The following DISC1 variants were observed in gnomAD, a reference collection of about 807,000 sequenced individuals.
DISC1 encodes disrupted in schizophrenia 1 protein.
A neutral mutation model predicts 84.5 loss-of-function variants in DISC1; 57 were observed. The observed-to-expected ratio is 0.67, with a 90% CI of 0.55 to 0.84. The LOEUF is 0.84. Ranked by LOEUF, DISC1 falls within the 40% of genes least tolerant of loss-of-function variation. The pLI is 0.00. For synonymous variants in DISC1, 411 were observed against 415.2 expected, an observed-to-expected ratio of 0.99 and a Z score of 0.12; for missense variants, 1,000 against 1,057.8, an observed-to-expected ratio of 0.95 and a Z score of 0.76.
At chr1:231,689,154 T>G (rs1286766380) in intron 1 of DISC1, among the ~76,000 whole-genome samples, 2 of 152,206 alleles carry the variant, frequency 1.3e-5, no homozygotes, top group African/African-American at 4.8e-5. Flanking sequence ...AATATATTCC[T>G]TTATGCTTCC....
At chr1:231,631,696 ATG>A in intron 1 of DISC1, among the ~76,000 whole-genome samples, 1 of 152,136 alleles carries the variant, frequency 6.6e-6, no homozygotes, top group African/African-American at 2.4e-5. Context: ...CAGCTGCACA[ATG>A]TATTTGTGTT....
At chr1:231,795,817 T>A (rs1218657150) in intron 7 of DISC1, among the ~76,000 whole-genome samples, 1 of 151,734 alleles carries the variant, frequency 6.6e-6, no homozygotes, top group Non-Finnish European at 1.5e-5. Context: ...TTAACCCAGG[T>A]GGTTGAGGTT....
intron 8 of DISC1, among the ~76,000 whole-genome samples, chr1:231,803,515 A>G (rs753661311): frequency 1.2e-4 from 19 of 152,204 alleles, no homozygotes; most frequent in Non-Finnish European, 2.2e-4. Context: ...GGGCTGAAAG[A>G]TCTGCTTCCA....
At chr1:231,868,990 A>C (rs1311316199) in intron 9 of DISC1, among the ~76,000 whole-genome samples, 2 of 151,906 alleles carry the variant, frequency 1.3e-5, no homozygotes, top group East Asian at 3.9e-4. Context: ...GAGCAGGGGT[A>C]TGTACTGTCC....
intron 9 of DISC1, among the ~76,000 whole-genome samples, chr1:231,861,776 C>T (rs558509315): frequency 2.4e-4 from 37 of 152,248 alleles, no homozygotes; most frequent in African/African-American, 8.7e-4. Context: ...TCTTGCTTTG[C>T]TCATTCAATG....
rs374753430 is a variant in DISC1, at chr1:231,966,815, C to G, written c.2042+7927C>G. On this transcript the variant is annotated intron_variant, in intron 10 of 12. Transcript: ENST00000439617. ...CTCTCGAGCACTTAGTGGATTATAGCTGATGTTTGTGTCCTTGTCCTCTAG... is the reference window on the plus strand; with the variant it reads ...CTCTCGAGCACTTAGTGGATTATAGGTGATGTTTGTGTCCTTGTCCTCTAG... Among the ~76,000 whole-genome samples the G allele has an allele frequency of 7.7e-4, 117 of 152,322 alleles. 2 individuals carry two copies. Among genetic ancestry groups the G allele is most frequent in the African/African-American group, 2.7e-3 (113 of 41,576 alleles).
intron 3 of DISC1, chr1:231,724,028 T>G (rs1237910064): frequency 1.0e-6 from 1 of 985,214 alleles, no homozygotes; most frequent in Non-Finnish European, 1.2e-6. Flanking sequence ...GATATTGTAT[T>G]TGTTCTATTC....
chr1:231,818,361 G>T lies in DISC1; in HGVS notation c.1825G>T (p.Glu609Ter). Residue 609 changes from glutamate (E) to a stop codon, truncating the protein, a stop_gained, in exon 9 of 13, where the codon GAG (glutamate) becomes TAG (stop). Transcript: ENST00000439617. LOFTEE classifies it high-confidence loss of function. ...NHFWTAKDLTEEIRSLTSERE... is the reference protein window; with the variant it reads ...NHFWTAKDLT ...TTTCTGGACGGCTAAAGACCTCACC[G>T]AGGAGATTAGATCATTAACATCAGA... is the stretch of plus-strand genomic sequence containing the variant. 6.2e-7 allele frequency: 1 copy of T among 1,614,030 alleles called. No homozygotes were observed. Among genetic ancestry groups the T allele is most frequent in the South Asian group, 1.1e-5 (1 of 91,082 alleles).
intron 4 of DISC1, among the ~76,000 whole-genome samples, chr1:231,759,591 A>G (rs1215875226): frequency 4.0e-5 from 6 of 150,392 alleles, no homozygotes; most frequent in African/African-American, 1.5e-4. Context: ...CTGTAGTCCT[A>G]TCTACTTGGA....
chr1:231,665,582 A>G (rs547434355), intron 1 of DISC1, among the ~76,000 whole-genome samples: 3 of 152,376 alleles, frequency 2.0e-5, no homozygotes, highest in Admixed American at 1.3e-4. Context: ...TCTCTTCCTT[A>G]TGATTTTCTT....
In DISC1 at chr1:231,662,595, A is replaced by G. The variant is rs148136413; in HGVS notation, c.68-31231A>G. ...TCATCTGGACCATTTGTATTCTCCAAAGCTGGCAGGCTGGAAAGGCCAAGT... is the reference window on the plus strand; with the variant it reads ...TCATCTGGACCATTTGTATTCTCCAGAGCTGGCAGGCTGGAAAGGCCAAGT... On this transcript the variant is annotated intron_variant, in intron 1 of 12. Coordinates refer to ENST00000439617, the MANE Select transcript of DISC1 (RefSeq NM_018662.3). Among the ~76,000 whole-genome samples the G allele has an allele frequency of 2.5e-3, 386 of 152,328 alleles. 3 individuals are homozygous for G. Among genetic ancestry groups the G allele is most frequent in the African/African-American group, 8.9e-3 (368 of 41,578 alleles).
intron 10 of DISC1, among the ~76,000 whole-genome samples, chr1:231,988,736 C>A (rs1664795527): frequency 6.6e-6 from 1 of 152,210 alleles, no homozygotes; most frequent in Admixed American, 6.5e-5. Flanking sequence ...ATTATAGCAA[C>A]TGGAACAGAC....
At chr1:231,819,030 A>T (rs999251661) in intron 9 of DISC1, 1 of 992,040 alleles carries the variant, frequency 1.0e-6, no homozygotes, top group South Asian at 4.6e-5. Context: ...TGCTTGTCAG[A>T]GGAGTTCAAG....
intron 6 of DISC1, among the ~76,000 whole-genome samples, chr1:231,789,898 A>G (rs1417162898): frequency 1.3e-5 from 2 of 152,196 alleles, no homozygotes; most frequent in Non-Finnish European, 2.9e-5. Context: ...TTTCTAATGA[A>G]TCATTTTTAA....
intron 9 of DISC1, among the ~76,000 whole-genome samples, chr1:231,907,929 T>C (rs1291298805): frequency 6.6e-6 from 1 of 152,254 alleles, no homozygotes; most frequent in Non-Finnish European, 1.5e-5. Context: ...TGGTCAGTGA[T>C]GATGAACATT....
intron 9 of DISC1, among the ~76,000 whole-genome samples, chr1:231,846,482 C>T (rs2083455598): frequency 6.6e-6 from 1 of 152,188 alleles, no homozygotes; most frequent in Non-Finnish European, 1.5e-5. Context: ...GAGTCTCTGT[C>T]CTAGCTTTTC....
chr1:231,969,968 A>T (rs1269888389), intron 10 of DISC1, among the ~76,000 whole-genome samples: 1 of 152,154 alleles, frequency 6.6e-6, no homozygotes, highest in Non-Finnish European at 1.5e-5. Context: ...CATAGTGTAT[A>T]TGTGCCACAT....
At chr1:231,723,137 A>G in intron 3 of DISC1, 1 of 937,194 alleles carries the variant, frequency 1.1e-6, no homozygotes, top group Non-Finnish European at 1.3e-6. Context: ...TTTTCAGTGG[A>G]TATGAAAAGT....
intron 9 of DISC1, among the ~76,000 whole-genome samples, chr1:231,847,065 C>T (rs2125885726): frequency 6.6e-6 from 1 of 152,324 alleles, no homozygotes; most frequent in Middle Eastern, 3.4e-3. Context: ...CAGAAAACCA[C>T]AGACTGAGTG....
Sources: gnomAD v4.1 joint callset for allele counts (sites outside exome capture counted in the v4.1 genomes callset) on GRCh38, gnomAD v4.1.1 for gene constraint, MANE v1.5 for transcripts, NCBI Gene and HGNC (gene_info 2026-07-23, HGNC 2026-07-21) for gene names.